The following RHOBTB3 variants were observed in gnomAD, a reference collection of about 807,000 sequenced individuals.
RHOBTB3 encodes Rho related BTB domain containing 3.
A neutral mutation model predicts 67.2 loss-of-function variants in RHOBTB3; 47 were observed. The ratio of observed to expected loss-of-function variants is 0.70; its 90% CI spans 0.55 to 0.89. RHOBTB3 has a LOEUF of 0.89. Ranked by LOEUF, RHOBTB3 falls within the 40% of genes least tolerant of loss-of-function variation. RHOBTB3 has a pLI of 0.00. For missense variants in RHOBTB3, 631 were observed against 750.0 expected, an observed-to-expected ratio of 0.84 and a Z score of 1.85; for synonymous variants, 273 against 274.2, an observed-to-expected ratio of 1.00 and a Z score of 0.04.
chr5:95,728,978 A>C (rs540901268), upstream of RHOBTB3, among the ~76,000 whole-genome samples: 2 of 152,342 alleles, frequency 1.3e-5, no homozygotes, highest in Non-Finnish European at 2.9e-5. Context: ...ATGTCACGGC[A>C]ATGTCAGGAA....
At chr5:95,730,573 T>C (rs1218945319), upstream of RHOBTB3, among the ~76,000 whole-genome samples, 1 of 152,242 alleles carries the variant, frequency 6.6e-6, no homozygotes, top group Non-Finnish European at 1.5e-5. Flanking sequence ...TATTATTAAA[T>C]ATGTGGCCAT....
Position 95,736,986 on chromosome 5 carries a change from A to C in RHOBTB3, c.326A>C (p.His109Pro). The C allele has an allele frequency of 6.2e-7, 1 of 1,607,644 alleles. No individual in the cohort carries two copies. The highest frequency in any genetic ancestry group is 1.1e-5 in the South Asian group (1 of 90,764). ...AACGTTAATGACAAGTTTTCATTCC[A>C]TGAAGTAAAGGATAATTATATTCCA... ...KYNVNDKFSFHEVKDNYIPVI... is the reference protein window; with the variant it reads ...KYNVNDKFSFPEVKDNYIPVI... Residue 109 changes from histidine to proline, a missense_variant, in exon 3 of 12, where the codon CAT (histidine) becomes CCT (proline). Transcript: ENST00000379982.
chr5:95,718,207 A>G (rs868136741), intron 1 of RHOBTB3, among the ~76,000 whole-genome samples: 2 of 152,342 alleles, frequency 1.3e-5, no homozygotes, highest in African/African-American at 4.8e-5. Flanking sequence ...TGGGGAAGAA[A>G]GAATAATAGC....
intron 1 of RHOBTB3, among the ~76,000 whole-genome samples, chr5:95,721,161 G>T (rs1453086496): frequency 2.6e-5 from 4 of 152,184 alleles, no homozygotes; most frequent in African/African-American, 7.2e-5. Flanking sequence ...CACTATTTAC[G>T]TTGCAGCCTG....
chr5:95,793,984 T>A lies in RHOBTB3; in HGVS notation c.*810T>A, dbSNP rs1484775280. ...GTTTCGTGGTGGGAAATATCCTATG[T>A]TTTCTTGCTCAAACACCTTTCTCTC... On this transcript the variant is annotated 3_prime_UTR_variant, in exon 12 of 12. Transcript: ENST00000379982. The A allele has an allele frequency of 2.2e-6, 1 of 456,194 alleles. No homozygotes were observed. Among genetic ancestry groups the A allele is most frequent in the Non-Finnish European group, 4.4e-6 (1 of 226,946 alleles). The allele number at this position is 456,194 out of a possible 1,614,324, so 28.3% of individuals were successfully genotyped here. A position where few individuals can be genotyped will look rare whatever the true frequency, so the allele number is the denominator to read the frequency against.
intron 8 of RHOBTB3, among the ~76,000 whole-genome samples, chr5:95,773,097 G>A (rs142524227): frequency 2.1e-4 from 32 of 152,256 alleles, no homozygotes; most frequent in African/African-American, 7.0e-4. Flanking sequence ...AAAGATTTTC[G>A]AAGGGAATAT....
chr5:95,740,782 C>T (rs911602894), intron 3 of RHOBTB3, among the ~76,000 whole-genome samples: 1 of 152,108 alleles, frequency 6.6e-6, no homozygotes, highest in Non-Finnish European at 1.5e-5. Flanking sequence ...TTCTTCTTTG[C>T]CTCTTATTTT....
intron 8 of RHOBTB3, among the ~76,000 whole-genome samples, chr5:95,778,866 G>A (rs1252087118): frequency 2.6e-5 from 4 of 152,198 alleles, no homozygotes; most frequent in African/African-American, 9.6e-5. Context: ...GAGTGTGCCT[G>A]CCAGGAGGTG....
chr5:95,752,195 A>T, intron 4 of RHOBTB3, 44 bp from the exon 5 acceptor site: 1 of 1,166,866 alleles, frequency 8.6e-7, no homozygotes. Context: ...TGTTGGATAT[A>T]TAGTTTTGTT....
intron 11 of RHOBTB3, 43 bp downstream of exon 11, chr5:95,788,901 T>C: frequency 1.7e-6 from 2 of 1,204,254 alleles, no homozygotes; most frequent in Non-Finnish European, 2.3e-6. Flanking sequence ...CTTTATGTTC[T>C]TTGTTCTTAG....
chr5:95,723,036 T>C (rs1485180663), intron 1 of RHOBTB3, among the ~76,000 whole-genome samples: 1 of 152,024 alleles, frequency 6.6e-6, no homozygotes, highest in Non-Finnish European at 1.5e-5. Context: ...GAAACAAACA[T>C]AGACATTTTC....
At chr5:95,734,144 T>C (rs1318195056) in intron 2 of RHOBTB3, among the ~76,000 whole-genome samples, 2 of 152,224 alleles carry the variant, frequency 1.3e-5, no homozygotes, top group African/African-American at 4.8e-5. Context: ...GTATCACTTA[T>C]ATTAATACTA....
chr5:95,738,089 G>A lies in RHOBTB3; in HGVS notation c.415+1014G>A, dbSNP rs547629023. On this transcript the variant is annotated intron_variant, in intron 3 of 11. Coordinates refer to ENST00000379982, the MANE Select transcript of RHOBTB3 (RefSeq NM_014899.4). Reference sequence around the variant, plus strand: ...TTTTATTACTATATATTAGTCCATTGTATGAATATGCCATAATTTATTTAT... The same window carrying A: ...TTTTATTACTATATATTAGTCCATTATATGAATATGCCATAATTTATTTAT... Among the ~76,000 whole-genome samples the A allele has an allele frequency of 3.3e-5, 5 of 152,222 alleles. No homozygotes were observed. In the East Asian group the frequency reaches 9.6e-4, roughly 29 times the overall value.
At position 95,755,233 on chromosome 5, in the gene RHOBTB3, G is replaced by T. The variant is rs1004728966; in HGVS notation, c.683-163G>T. ...TTAGGTTAAGCAGTAGTAGAAAATC[G>T]CTGTTTTTGTGCATCAAAAAATGGT... On this transcript the variant is annotated intron_variant, in intron 5 of 11. Transcript: ENST00000379982. Among the ~76,000 whole-genome samples, 48 of 152,096 alleles carry T rather than the reference G, an allele frequency of 3.2e-4. 1 individual carries two copies. The highest frequency in any genetic ancestry group is 1.1e-3 in the African/African-American group (44 of 41,478).
In RHOBTB3 at chr5:95,734,292, AT is replaced by A. The variant is rs112670036; in HGVS notation, c.228+2219del. Among the ~76,000 whole-genome samples, 151 of 149,564 alleles carry A rather than the reference AT, an allele frequency of 1.0e-3. 2 individuals carry two copies. The highest frequency in any genetic ancestry group is 6.0e-4 in the Admixed American group (9 of 15,024). ...AAATAGTTTCACTGTAGAAATTCAGATTTTTTTTTTTAAAAGATGAGTTCAA... is the reference window on the plus strand; with the variant it reads ...AAATAGTTTCACTGTAGAAATTCAGATTTTTTTTTTAAAAGATGAGTTCAA... On this transcript the variant is annotated intron_variant, in intron 2 of 11. Transcript: ENST00000379982.
chr5:95,792,756 C>T (rs866891967), intron 11 of RHOBTB3, among the ~76,000 whole-genome samples: 2 of 147,038 alleles, frequency 1.4e-5, no homozygotes, highest in African/African-American at 5.1e-5. Context: ...CACGCCACTG[C>T]ACTCCAGCCT....
chr5:95,760,084 C>G (rs1745354925), intron 6 of RHOBTB3, among the ~76,000 whole-genome samples: 1 of 152,066 alleles, frequency 6.6e-6, no homozygotes, highest in South Asian at 2.1e-4. Flanking sequence ...TTAGGAGCGA[C>G]CTGTTTAACA....
chr5:95,768,777 C>T (rs922147951), intron 8 of RHOBTB3, among the ~76,000 whole-genome samples: 1 of 152,134 alleles, frequency 6.6e-6, no homozygotes, highest in African/African-American at 2.4e-5. Flanking sequence ...TGAAGATGAG[C>T]TGTTTGAGTG....
At chr5:95,757,111 T>C (rs1178601311) in intron 6 of RHOBTB3, among the ~76,000 whole-genome samples, 1 of 152,192 alleles carries the variant, frequency 6.6e-6, no homozygotes, top group Non-Finnish European at 1.5e-5. Context: ...GTTACTTTTT[T>C]TTTTCCTTAC....
Sources: gnomAD v4.1 joint callset for allele counts (sites outside exome capture counted in the v4.1 genomes callset) on GRCh38, gnomAD v4.1.1 for gene constraint, MANE v1.5 for transcripts, NCBI Gene and HGNC (gene_info 2026-07-23, HGNC 2026-07-21) for gene names.